Variants in TYR observed in about 807,000 individuals in gnomAD.
TYR encodes LB24-AB.
A neutral mutation model predicts 51.5 loss-of-function variants in TYR; 58 were observed. The ratio of observed to expected loss-of-function variants is 1.13; its 90% CI spans 0.91 to 1.40. TYR has a LOEUF of 1.40. Among genes scored for constraint, TYR ranks in the 40% most tolerant of loss-of-function variants. The probability of loss-of-function intolerance (pLI) is 0.00; values close to 1 mark genes in which losing one functional copy is unlikely to be tolerated. For missense variants in TYR, 732 were observed against 647.4 expected, an observed-to-expected ratio of 1.13 and a Z score of -1.42; for synonymous variants, 263 against 235.2, an observed-to-expected ratio of 1.12 and a Z score of -1.08.
intron 3 of TYR, among the ~76,000 whole-genome samples, chr11:89,275,833 C>T (rs1389071493): frequency 1.3e-5 from 2 of 151,812 alleles, no homozygotes; most frequent in Admixed American, 6.6e-5. Flanking sequence ...AGACAAAACT[C>T]GGTGATTGGC....
intron 1 of TYR, among the ~76,000 whole-genome samples, chr11:89,178,983 T>C (rs1943266220): frequency 6.6e-6 from 1 of 152,240 alleles, no homozygotes; most frequent in South Asian, 2.1e-4. Flanking sequence ...TGACTTCTAC[T>C]AGGTTTCTAA....
rs771954275 is a variant in TYR, at chr11:89,284,779, T to C, written c.1191T>C (p.Phe397=). Reference sequence around the variant, plus strand: ...ATAACCTTTTCCTCTGCAGTATTTTTGAGCAGTGGCTCCGAAGGCACCGTC... The same window carrying C: ...ATAACCTTTTCCTCTGCAGTATTTTCGAGCAGTGGCTCCGAAGGCACCGTC... ...LLHHAFVDSI[F]EQWLRRHRPL... The change falls in exon 4 of 5, where the codon TTT becomes TTC. Residue 397 remains phenylalanine (F), a synonymous_variant. Coordinates refer to ENST00000263321, the MANE Select transcript of TYR (RefSeq NM_000372.5). 20 of 1,611,498 alleles carry C rather than the reference T, an allele frequency of 1.2e-5. No individual in the cohort carries two copies. Among genetic ancestry groups the C allele is most frequent in the Non-Finnish European group, 1.7e-5 (20 of 1,178,346 alleles).
intron 1 of TYR, among the ~76,000 whole-genome samples, chr11:89,184,075 C>A (rs1256577085): frequency 6.6e-6 from 1 of 152,082 alleles, no homozygotes. Context: ...ATCATAAGCA[C>A]AATGCTAATA....
At chr11:89,278,969 T>A (rs2135320161) in intron 3 of TYR, among the ~76,000 whole-genome samples, 1 of 151,868 alleles carries the variant, frequency 6.6e-6, no homozygotes, top group Admixed American at 6.6e-5. Context: ...GATATTTGTC[T>A]GATTTTTTTC....
At chr11:89,254,612 A>G in intron 3 of TYR, among the ~76,000 whole-genome samples, 1 of 151,738 alleles carries the variant, frequency 6.6e-6, no homozygotes, top group Non-Finnish European at 1.5e-5. Flanking sequence ...TATGTGCATA[A>G]AGATGCTCAT....
chr11:89,241,708 G>T (rs185211746), intron 3 of TYR, among the ~76,000 whole-genome samples: 1 of 148,546 alleles, frequency 6.7e-6, no homozygotes, highest in Non-Finnish European at 1.5e-5. Flanking sequence ...ATAAAGTATT[G>T]CAGTCCATTT....
intron 2 of TYR, among the ~76,000 whole-genome samples, chr11:89,195,426 C>T (rs1400011255): frequency 6.6e-6 from 1 of 152,126 alleles, no homozygotes; most frequent in African/African-American, 2.4e-5. Context: ...CGCCTGTAAA[C>T]CCAGCAATTT....
At chr11:89,271,564 G>A (rs935152051) in intron 3 of TYR, among the ~76,000 whole-genome samples, 1 of 151,914 alleles carries the variant, frequency 6.6e-6, no homozygotes, top group African/African-American at 2.4e-5. Context: ...AGGTCTAGCA[G>A]GTTGATGGTT....
chr11:89,198,882 G>A (rs143669791), intron 2 of TYR, among the ~76,000 whole-genome samples: 5,987 of 151,912 alleles, frequency 0.039, 427 homozygotes, highest in African/African-American at 0.14. Context: ...TTTACCTTAG[G>A]TATATCTCCT....
At chr11:89,278,130 A>C (rs1368733344) in intron 3 of TYR, among the ~76,000 whole-genome samples, 1 of 151,714 alleles carries the variant, frequency 6.6e-6, no homozygotes, top group Admixed American at 6.6e-5. Context: ...GATTCTTTCC[A>C]AATTCCATTC....
chr11:89,217,436 T>C (rs1436575595), intron 2 of TYR, among the ~76,000 whole-genome samples: 2 of 152,166 alleles, frequency 1.3e-5, no homozygotes, highest in East Asian at 1.9e-4. Context: ...ATCTTCTCCA[T>C]CTTCCTGGGA....
chr11:89,231,724 C>G (rs1944053160), intron 3 of TYR, among the ~76,000 whole-genome samples: 2 of 142,690 alleles, frequency 1.4e-5, no homozygotes, highest in Non-Finnish European at 3.0e-5. Context: ...TGGATCATGC[C>G]TGTACTCATA....
chr11:89,289,764 G>T (rs958440000), intron 4 of TYR, among the ~76,000 whole-genome samples: 1 of 151,990 alleles, frequency 6.6e-6, no homozygotes, highest in Non-Finnish European at 1.5e-5. Context: ...ATAAATGGAC[G>T]TTTGTGCCAA....
At chr11:89,295,003 CA>C in intron 4 of TYR, 139 bp from the exon 5 acceptor site, 11 of 1,400,978 alleles carry the variant, frequency 7.9e-6, no homozygotes, top group Non-Finnish European at 8.8e-6. Flanking sequence ...GTAACTTTCC[CA>C]AGCTCTTACA....
At chr11:89,279,048 T>C (rs2135320192) in intron 3 of TYR, among the ~76,000 whole-genome samples, 1 of 151,750 alleles carries the variant, frequency 6.6e-6, no homozygotes, top group South Asian at 2.1e-4. Flanking sequence ...TCTCTTCACA[T>C]CATATCAAAG....
At chr11:89,219,453 C>A (rs1251399666) in intron 2 of TYR, among the ~76,000 whole-genome samples, 2 of 151,864 alleles carry the variant, frequency 1.3e-5, no homozygotes, top group African/African-American at 4.8e-5. Flanking sequence ...TGCACCATCA[C>A]CCCTGGCTAA....
chr11:89,246,717 G>T (rs933980318), intron 3 of TYR, among the ~76,000 whole-genome samples: 3 of 152,042 alleles, frequency 2.0e-5, no homozygotes, highest in African/African-American at 7.2e-5. Context: ...TGGCCATCCT[G>T]CTAAGAAGAC....
chr11:89,266,802 G>C (rs1280345498), intron 3 of TYR, among the ~76,000 whole-genome samples: 1 of 151,848 alleles, frequency 6.6e-6, no homozygotes, highest in African/African-American at 2.4e-5. Flanking sequence ...AACCTTGCCT[G>C]TTCATATGCA....
chr11:89,213,082 T>G (rs1481559602), intron 2 of TYR, among the ~76,000 whole-genome samples: 1 of 152,186 alleles, frequency 6.6e-6, no homozygotes, highest in Admixed American at 6.5e-5. Flanking sequence ...TTGGAAGTTC[T>G]GGCCAGGACA....
Sources: allele counts gnomAD v4.1 joint callset (sites outside exome capture counted in the v4.1 genomes callset), GRCh38; gene constraint gnomAD v4.1.1; transcripts MANE v1.5; gene names NCBI Gene and HGNC (gene_info 2026-07-23, HGNC 2026-07-21).